Variants in KCNJ6 observed in about 807,000 individuals in gnomAD.
KCNJ6 encodes the protein potassium inwardly rectifying channel subfamily J member 6, also known as G protein-activated inward rectifier potassium channel 2.
KCNJ6 carries 9 observed loss-of-function variants against 34.2 expected under a neutral mutation model. The observed-to-expected ratio is 0.26, with a 90% CI of 0.16 to 0.46. The LOEUF is 0.46. Among genes scored for constraint, KCNJ6 ranks in the 20% least tolerant of loss-of-function variants. The pLI, the probability that KCNJ6 is intolerant of heterozygous loss-of-function variation, is 1.00. For synonymous variants in KCNJ6, 196 were observed against 207.1 expected (o/e 0.95, Z 0.46); for missense variants, 236 against 531.3 (o/e 0.44, Z 5.46).
intron 3 of KCNJ6, among the ~76,000 whole-genome samples, chr21:37,701,712 C>A (rs1286109786): frequency 6.6e-6 from 1 of 152,126 alleles, no homozygotes; most frequent in Non-Finnish European, 1.5e-5. Context: ...GAGCTAGTTT[C>A]TTTTGGGTGA....
rs548693862 is a variant in KCNJ6 at position 37,898,469 on chromosome 21, C to T, written c.-28+17415G>A. Among the ~76,000 whole-genome samples the T allele has an allele frequency of 3.3e-5, 5 of 151,950 alleles. No homozygotes were observed. In the East Asian group the frequency reaches 9.7e-4, roughly 29 times the overall value. On this transcript the variant is annotated intron_variant, in intron 1 of 3. Coordinates refer to ENST00000609713, the MANE Select transcript of KCNJ6 (RefSeq NM_002240.5). ...TGGTGGCACATGCCTATAGTCCTAGCTATCTGGGAGGCTGAGGCAGAAGAA... is the reference window on the plus strand; with the variant it reads ...TGGTGGCACATGCCTATAGTCCTAGTTATCTGGGAGGCTGAGGCAGAAGAA...
chr21:37,784,915 G>T (rs776766259), intron 2 of KCNJ6, among the ~76,000 whole-genome samples: 1 of 152,140 alleles, frequency 6.6e-6, no homozygotes, highest in African/African-American at 2.4e-5. Context: ...GCTCTTTGGA[G>T]CCTCACCCCT....
intron 1 of KCNJ6, among the ~76,000 whole-genome samples, chr21:37,866,370 A>G (rs1052180952): frequency 6.6e-6 from 1 of 152,188 alleles, no homozygotes; most frequent in African/African-American, 2.4e-5. Context: ...AGACATCACA[A>G]TTAACAAGTG....
chr21:37,656,005 G>T (rs1048346897), intron 3 of KCNJ6, among the ~76,000 whole-genome samples: 5 of 152,204 alleles, frequency 3.3e-5, no homozygotes, highest in African/African-American at 1.2e-4. Context: ...CCATGGGGGG[G>T]CCTTCCTGGA....
At chr21:37,888,764 C>A (rs1004403912) in intron 1 of KCNJ6, among the ~76,000 whole-genome samples, 1 of 152,206 alleles carries the variant, frequency 6.6e-6, no homozygotes, top group African/African-American at 2.4e-5. Flanking sequence ...CCAGAGAGCT[C>A]GTAAACCAGT....
chr21:37,818,774 T>A (rs2055360000), intron 2 of KCNJ6, among the ~76,000 whole-genome samples: 2 of 152,228 alleles, frequency 1.3e-5, no homozygotes, highest in Admixed American at 1.3e-4. Flanking sequence ...CTTTCCCTCA[T>A]CCTCTTCTAC....
At chr21:37,794,017 A>G (rs540304186) in intron 2 of KCNJ6, among the ~76,000 whole-genome samples, 98 of 152,314 alleles carry the variant, frequency 6.4e-4, no homozygotes, top group Middle Eastern at 6.8e-3. Flanking sequence ...TAAGAAATAT[A>G]TTTGTTATTG....
intron 2 of KCNJ6, among the ~76,000 whole-genome samples, chr21:37,722,755 C>T (rs990551922): frequency 2.0e-5 from 3 of 152,166 alleles, no homozygotes; most frequent in East Asian, 1.9e-4. Flanking sequence ...GAAATTCAAT[C>T]CCTACCTTTC....
At chr21:37,735,886 T>A (rs1239705521) in intron 2 of KCNJ6, among the ~76,000 whole-genome samples, 1 of 152,148 alleles carries the variant, frequency 6.6e-6, no homozygotes, top group Non-Finnish European at 1.5e-5. Flanking sequence ...CCTTGAAAGG[T>A]TTCCTAAGGG....
At chr21:37,833,540 C>A (rs796323332) in intron 2 of KCNJ6, among the ~76,000 whole-genome samples, 116 of 152,254 alleles carry the variant, frequency 7.6e-4, no homozygotes, top group African/African-American at 2.7e-3. Context: ...CTCTTCCCCA[C>A]CATGGCCATG....
intron 3 of KCNJ6, among the ~76,000 whole-genome samples, chr21:37,668,649 C>T (rs1480095317): frequency 6.6e-6 from 1 of 152,200 alleles, no homozygotes; most frequent in South Asian, 2.1e-4. Context: ...GTCTTCCTGT[C>T]TGAGCCTGGG....
chr21:37,693,374 T>C (rs1055595959), intron 3 of KCNJ6, among the ~76,000 whole-genome samples: 1 of 152,158 alleles, frequency 6.6e-6, no homozygotes, highest in African/African-American at 2.4e-5. Context: ...ATTGGCTGAG[T>C]TGCAGAATGA....
rs539230185 is a variant in KCNJ6, at chr21:37,814,543, A to G, written c.25+26115T>C. Reference sequence around the variant, plus strand: ...TTGGAAACAACCTAAATGTCTATCAACAGATGAATGGATATAGAAAATGTG... The same window carrying G: ...TTGGAAACAACCTAAATGTCTATCAGCAGATGAATGGATATAGAAAATGTG... On this transcript the variant is annotated intron_variant, in intron 2 of 3. Transcript: ENST00000609713. Among the ~76,000 whole-genome samples the G allele has an allele frequency of 1.2e-4, 18 of 152,344 alleles. No individual in the cohort carries two copies. In the South Asian group the frequency reaches 3.5e-3, roughly 30 times the overall value.
chr21:37,813,559 T>C (rs938446387), intron 2 of KCNJ6, among the ~76,000 whole-genome samples: 5 of 152,094 alleles, frequency 3.3e-5, no homozygotes, highest in Admixed American at 6.5e-5. Context: ...AATAGACACA[T>C]AGATCAATGG....
intron 2 of KCNJ6, among the ~76,000 whole-genome samples, chr21:37,716,410 CG>C (rs1348315963): frequency 6.9e-6 from 1 of 145,746 alleles, no homozygotes; most frequent in Non-Finnish European, 1.5e-5. Context: ...GATAGGGTCT[CG>C]CTCTGCCACC....
intron 1 of KCNJ6, among the ~76,000 whole-genome samples, chr21:37,884,360 C>T (rs1314898855): frequency 3.9e-5 from 6 of 152,166 alleles, no homozygotes; most frequent in Admixed American, 2.0e-4. Flanking sequence ...CGGGCTACCA[C>T]GACTGAGACC....
chr21:37,899,278 T>C (rs536666112), intron 1 of KCNJ6, among the ~76,000 whole-genome samples: 1 of 152,340 alleles, frequency 6.6e-6, no homozygotes, highest in Non-Finnish European at 1.5e-5. Context: ...TTAATGATAT[T>C]CTTGCACATG....
chr21:37,676,726 A>G (rs2054566568), intron 3 of KCNJ6, among the ~76,000 whole-genome samples: 1 of 152,158 alleles, frequency 6.6e-6, no homozygotes, highest in Admixed American at 6.5e-5. Context: ...GACATTTTTG[A>G]TTGTCAAACT....
At chr21:37,882,766 G>A (rs147634333) in intron 1 of KCNJ6, among the ~76,000 whole-genome samples, 8 of 152,298 alleles carry the variant, frequency 5.3e-5, no homozygotes, top group South Asian at 4.1e-4. Context: ...ACTTAAGCTC[G>A]ACAAAAATAA....
Sources: gnomAD v4.1 joint callset for allele counts (sites outside exome capture counted in the v4.1 genomes callset) on GRCh38, gnomAD v4.1.1 for gene constraint, MANE v1.5 for transcripts, NCBI Gene and HGNC (gene_info 2026-07-23, HGNC 2026-07-21) for gene names.